The following MCTP1 variants were observed in gnomAD, a reference collection of about 807,000 sequenced individuals.
The protein encoded by MCTP1 is multiple C2 and transmembrane domain containing 1, also known as multiple C2 and transmembrane domain-containing protein 1.
Under a neutral mutation model 120.6 loss-of-function variants are expected in MCTP1, and 69 were observed. That is an observed-to-expected ratio of 0.57 (90% CI 0.47 to 0.70). MCTP1 has a LOEUF of 0.70. MCTP1 is among the 30% of genes least tolerant of loss of function. The probability of loss-of-function intolerance (pLI) is 0.00; values close to 1 mark genes in which losing one functional copy is unlikely to be tolerated. For synonymous variants in MCTP1, 529 were observed against 493.1 expected (o/e 1.07, Z -0.96); for missense variants, 1,203 against 1,248.8 (o/e 0.96, Z 0.55).
intron 19 of MCTP1, among the ~76,000 whole-genome samples, chr5:94,732,830 TCCAGAA>T (rs1763387731): frequency 6.6e-6 from 1 of 152,192 alleles, no homozygotes; most frequent in Non-Finnish European, 1.5e-5. Flanking sequence ...CTTTCTAGCC[TCCAGAA>T]CTGTGAGATA....
intron 1 of MCTP1, among the ~76,000 whole-genome samples, chr5:95,282,571 C>CA (rs1760413481): frequency 6.6e-6 from 1 of 152,002 alleles, no homozygotes; most frequent in Non-Finnish European, 1.5e-5. Flanking sequence ...CTTTTAAAAC[C>CA]AAAAACAGGG....
chr5:95,004,984 C>T (rs142404812), intron 2 of MCTP1, among the ~76,000 whole-genome samples: 17 of 152,340 alleles, frequency 1.1e-4, no homozygotes, highest in African/African-American at 1.7e-4. Flanking sequence ...GCACTCAACA[C>T]CAACTGGTGA....
At chr5:94,972,251 CAGG>C (rs1827052532) in intron 2 of MCTP1, among the ~76,000 whole-genome samples, 1 of 152,138 alleles carries the variant, frequency 6.6e-6, no homozygotes, top group African/African-American at 2.4e-5. Context: ...TCTCCTTGTT[CAGG>C]AGATTTTGCA....
Position 94,707,331 on chromosome 5 carries a change from T to C in MCTP1, c.*165A>G, listed in dbSNP as rs923381780. ...AAGTTGAGTCTGTACAATAGAAGTATATATTCAAAGACATATGCCTTTGTA... is the reference window on the plus strand; with the variant it reads ...AAGTTGAGTCTGTACAATAGAAGTACATATTCAAAGACATATGCCTTTGTA... On this transcript the variant is annotated 3_prime_UTR_variant, in exon 23 of 23. Coordinates refer to ENST00000515393, the MANE Select transcript of MCTP1 (RefSeq NM_024717.7). 11 of 584,066 alleles carry C rather than the reference T, an allele frequency of 1.9e-5. No individual in the cohort carries two copies. The highest frequency in any genetic ancestry group is 1.7e-4 in the African/African-American group (9 of 52,712). 36.2% of individuals were successfully genotyped at this position (584,066 alleles called of 1,614,324 possible).
At chr5:94,894,079 T>G (rs1803320739) in intron 11 of MCTP1, among the ~76,000 whole-genome samples, 1 of 152,212 alleles carries the variant, frequency 6.6e-6, no homozygotes, top group South Asian at 2.1e-4. Flanking sequence ...GTAGTCATTT[T>G]AGTGATTCAC....
At chr5:95,067,453 T>C (rs1181212562) in intron 1 of MCTP1, among the ~76,000 whole-genome samples, 1 of 152,098 alleles carries the variant, frequency 6.6e-6, no homozygotes. Context: ...AAATAAATGA[T>C]TTAGAAATGA....
chr5:95,277,611 C>T lies in MCTP1; in HGVS notation c.720+6245G>A, dbSNP rs140400210. On this transcript the variant is annotated intron_variant, in intron 1 of 22. Transcript: ENST00000515393. ...ATGCTGATTCACTAGGTCAATTGTA[C>T]TAGGGATTGCCAAATTCCACTCCAG... 1.1e-3 allele frequency among the ~76,000 whole-genome samples: 165 copies of T among 152,272 alleles called. 2 individuals carry two copies. The highest frequency in any genetic ancestry group is 5.4e-3 in the Admixed American group (82 of 15,306).
At chr5:94,870,365 T>C in intron 16 of MCTP1, 52 bp downstream of exon 16, 1 of 1,222,916 alleles carries the variant, frequency 8.2e-7, no homozygotes, top group Non-Finnish European at 1.2e-6. Flanking sequence ...TTAGATGTTT[T>C]ACAGATATAA....
intron 19 of MCTP1, among the ~76,000 whole-genome samples, chr5:94,777,720 TAAATC>T (rs1775679985): frequency 6.6e-6 from 1 of 152,170 alleles, no homozygotes; most frequent in Non-Finnish European, 1.5e-5. Context: ...ACCTTAGCAA[TAAATC>T]ATATCATTTA....
chr5:94,982,884 C>CAAAAAAACAAAAAAA (rs1829728032), intron 2 of MCTP1, among the ~76,000 whole-genome samples: 1 of 28,596 alleles, frequency 3.5e-5, no homozygotes, highest in African/African-American at 8.2e-5. Flanking sequence ...CACACTTCAT[C>CAAAAAAACAAAAAAA]AAAAAAAAAA....
intron 1 of MCTP1, among the ~76,000 whole-genome samples, chr5:95,033,436 A>G (rs1391613440): frequency 1.3e-5 from 2 of 152,148 alleles, no homozygotes; most frequent in Non-Finnish European, 2.9e-5. Flanking sequence ...ACACGAATCA[A>G]TAAGTGTGAT....
chr5:94,795,881 C>T (rs1779896572), intron 18 of MCTP1, among the ~76,000 whole-genome samples: 1 of 152,162 alleles, frequency 6.6e-6, no homozygotes, highest in Non-Finnish European at 1.5e-5. Context: ...TTAAATGCTG[C>T]AAAACTTATT....
chr5:95,259,759 G>A (rs1282871920), intron 1 of MCTP1, among the ~76,000 whole-genome samples: 1 of 152,104 alleles, frequency 6.6e-6, no homozygotes, highest in African/African-American at 2.4e-5. Flanking sequence ...CTCCCTGGTG[G>A]TGGTACCCTA....
At chr5:95,181,589 A>C (rs1190165150) in intron 1 of MCTP1, among the ~76,000 whole-genome samples, 5 of 152,030 alleles carry the variant, frequency 3.3e-5, no homozygotes, top group African/African-American at 9.7e-5. Flanking sequence ...ACACACACAC[A>C]TACATACACA....
chr5:95,200,041 A>G (rs888431462), intron 1 of MCTP1, among the ~76,000 whole-genome samples: 5 of 151,802 alleles, frequency 3.3e-5, no homozygotes, highest in African/African-American at 1.2e-4. Flanking sequence ...CGTGCCTGCA[A>G]TCGCAGCTAC....
chr5:94,802,674 G>C (rs1781457050), intron 17 of MCTP1, among the ~76,000 whole-genome samples: 1 of 152,134 alleles, frequency 6.6e-6, no homozygotes, highest in South Asian at 2.1e-4. Flanking sequence ...CCTTGGTCCT[G>C]ATTATACATT....
chr5:94,961,427 G>A (rs1824165326), intron 2 of MCTP1, among the ~76,000 whole-genome samples: 1 of 151,936 alleles, frequency 6.6e-6, no homozygotes, highest in Non-Finnish European at 1.5e-5. Context: ...TAAAAAAAAA[G>A]AAAGAAAATC....
At chr5:94,874,130 T>C (rs2153327968) in intron 12 of MCTP1, among the ~76,000 whole-genome samples, 1 of 152,194 alleles carries the variant, frequency 6.6e-6, no homozygotes. Flanking sequence ...AATCAATATT[T>C]AGACAAAGCT....
intron 1 of MCTP1, among the ~76,000 whole-genome samples, chr5:95,120,996 T>C (rs1385668947): frequency 6.6e-6 from 1 of 152,016 alleles, no homozygotes; most frequent in Non-Finnish European, 1.5e-5. Context: ...TTGCAGGACA[T>C]GGCCAGGCGC....
Sources: allele counts gnomAD v4.1 joint callset (sites outside exome capture counted in the v4.1 genomes callset), GRCh38; gene constraint gnomAD v4.1.1; transcripts MANE v1.5; gene names NCBI Gene and HGNC (gene_info 2026-07-23, HGNC 2026-07-21).